PTPRD: variants seen among roughly 807,000 people sequenced by gnomAD.
The protein encoded by PTPRD is receptor-type tyrosine-protein phosphatase delta.
In PTPRD, 34 loss-of-function variants were observed where a neutral mutation model predicts 214.5. The observed-to-expected ratio is 0.16, with a 90% CI of 0.12 to 0.21. PTPRD has a LOEUF of 0.21. Ranked by LOEUF, PTPRD falls within the 10% of genes least tolerant of loss-of-function variation. The probability of loss-of-function intolerance (pLI) is 1.00; values close to 1 mark genes in which losing one functional copy is unlikely to be tolerated. For missense variants in PTPRD, 2,545 were observed against 2,398.7 expected (o/e 1.06, Z -1.27); for synonymous variants, 1,128 against 845.7 (o/e 1.33, Z -5.79).
intron 3 of PTPRD, among the ~76,000 whole-genome samples, chr9:10,196,158 T>A (rs2099397229): frequency 2.0e-5 from 3 of 152,190 alleles, no homozygotes; most frequent in Admixed American, 6.5e-5. Context: ...ATGGACTTTA[T>A]TGTACATAAA....
intron 32 of PTPRD, among the ~76,000 whole-genome samples, chr9:8,462,116 A>G (rs986461919): frequency 3.3e-5 from 5 of 151,900 alleles, no homozygotes; most frequent in African/African-American, 1.2e-4. Flanking sequence ...ATTTCCAATC[A>G]TTTCTAGAGA....
chr9:8,925,428 T>C (rs970448082), intron 11 of PTPRD, among the ~76,000 whole-genome samples: 2 of 151,980 alleles, frequency 1.3e-5, no homozygotes, highest in Non-Finnish European at 2.9e-5. Flanking sequence ...GTAAGTCACC[T>C]ACATAATTTC....
intron 10 of PTPRD, among the ~76,000 whole-genome samples, chr9:9,069,350 C>A (rs113230332): frequency 2.0e-5 from 3 of 152,272 alleles, no homozygotes; most frequent in African/African-American, 7.2e-5. Context: ...GTAGTATTCA[C>A]ACACAAAAAA....
At chr9:8,986,338 G>A (rs2099345026) in intron 11 of PTPRD, among the ~76,000 whole-genome samples, 1 of 151,904 alleles carries the variant, frequency 6.6e-6, no homozygotes, top group Non-Finnish European at 1.5e-5. Flanking sequence ...TAGAATCATT[G>A]CAGAAGGGTT....
chr9:9,020,001 C>T (rs1166950868), intron 10 of PTPRD, among the ~76,000 whole-genome samples: 11 of 151,936 alleles, frequency 7.2e-5, no homozygotes, highest in Admixed American at 2.6e-4. Flanking sequence ...AACAACTGAT[C>T]TTGAGTTACA....
intron 3 of PTPRD, among the ~76,000 whole-genome samples, chr9:10,317,995 A>T (rs2096476682): frequency 6.6e-6 from 1 of 152,024 alleles, no homozygotes; most frequent in Admixed American, 6.6e-5. Context: ...TTTATCTAAA[A>T]TTTAACTATT....
intron 4 of PTPRD, among the ~76,000 whole-genome samples, chr9:9,947,353 A>ATATT (rs1477660131): frequency 1.9e-5 from 1 of 53,224 alleles, no homozygotes; most frequent in Non-Finnish European, 2.9e-5. Context: ...TATAATATAT[A>ATATT]TTATATATAT....
At chr9:8,956,029 G>C (rs952153987) in intron 11 of PTPRD, among the ~76,000 whole-genome samples, 1 of 151,788 alleles carries the variant, frequency 6.6e-6, no homozygotes, top group Non-Finnish European at 1.5e-5. Context: ...GTATTCTTAA[G>C]AAGTTATACT....
intron 10 of PTPRD, among the ~76,000 whole-genome samples, chr9:9,122,323 A>G (rs936242646): frequency 3.9e-5 from 6 of 152,272 alleles, no homozygotes; most frequent in South Asian, 4.1e-4. Context: ...AAGAATTTCT[A>G]TTTTATTTTG....
chr9:10,027,985 TC>T (rs1384716465), intron 4 of PTPRD, among the ~76,000 whole-genome samples: 16 of 152,282 alleles, frequency 1.1e-4, no homozygotes, highest in Admixed American at 9.8e-4. Flanking sequence ...CTCCCACCTG[TC>T]CATTGATGGG....
chr9:9,370,086 C>A (rs542385108), intron 9 of PTPRD, among the ~76,000 whole-genome samples: 13 of 152,016 alleles, frequency 8.6e-5, no homozygotes, highest in Non-Finnish European at 7.4e-5. Flanking sequence ...ATTGACTTGG[C>A]GATGCGGGCT....
At chr9:9,538,766 T>C (rs770687489) in intron 8 of PTPRD, among the ~76,000 whole-genome samples, 1 of 151,932 alleles carries the variant, frequency 6.6e-6, no homozygotes, top group South Asian at 2.1e-4. Flanking sequence ...AATGCTCTAA[T>C]GAAAGACTAT....
chr9:10,531,099 G>A (rs528585317), intron 2 of PTPRD, among the ~76,000 whole-genome samples: 2 of 151,962 alleles, frequency 1.3e-5, no homozygotes, highest in African/African-American at 4.8e-5. Flanking sequence ...GCAGGTGCAA[G>A]CCACCACGCC....
intron 24 of PTPRD, among the ~76,000 whole-genome samples, chr9:8,500,177 T>C (rs1221692914): frequency 1.3e-5 from 2 of 151,858 alleles, no homozygotes; most frequent in East Asian, 1.9e-4. Flanking sequence ...AGGTATAGCA[T>C]TGAAATAATA....
intron 14 of PTPRD, among the ~76,000 whole-genome samples, chr9:8,565,129 G>A (rs921125852): frequency 2.4e-4 from 37 of 152,086 alleles, no homozygotes; most frequent in African/African-American, 8.0e-4. Context: ...CTCCCTGCTC[G>A]TGGAGTTTCA....
chr9:10,206,973 T>G (rs1445297064), intron 3 of PTPRD, among the ~76,000 whole-genome samples: 1 of 152,152 alleles, frequency 6.6e-6, no homozygotes, highest in African/African-American at 2.4e-5. Flanking sequence ...TTATAAAAAT[T>G]CATTTTGTAA....
chr9:8,507,024 C>A (rs532130588), intron 22 of PTPRD, among the ~76,000 whole-genome samples: 1 of 152,096 alleles, frequency 6.6e-6, no homozygotes, highest in Non-Finnish European at 1.5e-5. Context: ...ATCTATGGAA[C>A]TTGGAACTCT....
chr9:8,764,826 A>C (rs890804474), intron 11 of PTPRD, among the ~76,000 whole-genome samples: 4 of 150,694 alleles, frequency 2.7e-5, no homozygotes, highest in Admixed American at 6.6e-5. Context: ...TAATAATAAT[A>C]ATAATAATAG....
chr9:8,615,287 T>G (rs1054632952), intron 14 of PTPRD, among the ~76,000 whole-genome samples: 1 of 152,250 alleles, frequency 6.6e-6, no homozygotes, highest in Middle Eastern at 3.4e-3. Flanking sequence ...GTCTGTTTGC[T>G]TGATGAGCAT....
Sources: gnomAD v4.1 joint callset for allele counts (sites outside exome capture counted in the v4.1 genomes callset) on GRCh38, gnomAD v4.1.1 for gene constraint, MANE v1.5 for transcripts, NCBI Gene and HGNC (gene_info 2026-07-23, HGNC 2026-07-21) for gene names.